CACNA2D3: variants seen among roughly 807,000 people sequenced by gnomAD.
The protein encoded by CACNA2D3 is calcium voltage-gated channel auxiliary subunit alpha2delta 3, also known as voltage-dependent calcium channel subunit alpha-2/delta-3.
Under a neutral mutation model 160.6 loss-of-function variants are expected in CACNA2D3, and 60 were observed. That is an observed-to-expected ratio of 0.37 (90% CI 0.30 to 0.46). CACNA2D3 has a LOEUF of 0.46. Among genes scored for constraint, CACNA2D3 ranks in the 20% least tolerant of loss-of-function variants. The pLI is 1.00. For synonymous variants in CACNA2D3, 558 were observed against 492.9 expected (o/e 1.13, Z -1.75); for missense variants, 1,205 against 1,365.0 (o/e 0.88, Z 1.85).
chr3:54,835,452 T>C (rs1317721396), intron 14 of CACNA2D3, among the ~76,000 whole-genome samples: 5 of 152,172 alleles, frequency 3.3e-5, no homozygotes, highest in Non-Finnish European at 7.4e-5. Context: ...ACATTGTAAG[T>C]AGTGACACCC....
At chr3:54,961,994 GCTCA>G (rs1225386959) in intron 27 of CACNA2D3, among the ~76,000 whole-genome samples, 1 of 152,056 alleles carries the variant, frequency 6.6e-6, no homozygotes, top group Non-Finnish European at 1.5e-5. Flanking sequence ...GACTGAGCGT[GCTCA>G]CTCAGGTCTC....
intron 4 of CACNA2D3, among the ~76,000 whole-genome samples, chr3:54,501,659 ATCC>A: frequency 6.6e-6 from 1 of 152,022 alleles, no homozygotes; most frequent in East Asian, 1.9e-4. Context: ...GGCTCAAGCA[ATCC>A]TCCTGCCTTG....
intron 11 of CACNA2D3, among the ~76,000 whole-genome samples, chr3:54,656,191 C>T (rs924483980): frequency 6.6e-6 from 1 of 152,240 alleles, no homozygotes; most frequent in African/African-American, 2.4e-5. Flanking sequence ...AGGATACAGA[C>T]TTGGCATGGT....
chr3:54,804,520 A>C (rs367907983), intron 13 of CACNA2D3, among the ~76,000 whole-genome samples: 8 of 152,218 alleles, frequency 5.3e-5, no homozygotes, highest in South Asian at 4.1e-4. Flanking sequence ...ATATATATGC[A>C]CCCAATACAG....
At chr3:54,358,928 C>G (rs1186380537) in intron 3 of CACNA2D3, among the ~76,000 whole-genome samples, 1 of 152,134 alleles carries the variant, frequency 6.6e-6, no homozygotes, top group African/African-American at 2.4e-5. Context: ...TCCTTTACTT[C>G]CTCTCATAAA....
At chr3:54,544,427 A>G (rs1445205563) in intron 5 of CACNA2D3, among the ~76,000 whole-genome samples, 2 of 151,360 alleles carry the variant, frequency 1.3e-5, no homozygotes, top group East Asian at 1.9e-4. Context: ...TTAAAGATAC[A>G]GGGTCATATT....
At chr3:54,463,628 C>A (rs1700551347) in intron 4 of CACNA2D3, among the ~76,000 whole-genome samples, 1 of 152,170 alleles carries the variant, frequency 6.6e-6, no homozygotes, top group Admixed American at 6.5e-5. Flanking sequence ...TCCATCAGCT[C>A]CTTTAAGCAC....
At chr3:55,073,582 T>C (rs1468045480) in intron 36 of CACNA2D3, 25 bp downstream of exon 36, 44 of 1,570,708 alleles carry the variant, frequency 2.8e-5, no homozygotes, top group Non-Finnish European at 3.7e-5. Flanking sequence ...GCAGGTCCAC[T>C]CACTACCACG....
At chr3:54,635,469 T>C (rs1272639078) in intron 10 of CACNA2D3, among the ~76,000 whole-genome samples, 4 of 151,792 alleles carry the variant, frequency 2.6e-5, no homozygotes, top group African/African-American at 7.3e-5. Context: ...AATAGGAGTA[T>C]GACTAGACAG....
chr3:55,037,961 G>A (rs1374906513), intron 35 of CACNA2D3, among the ~76,000 whole-genome samples: 2 of 152,144 alleles, frequency 1.3e-5, no homozygotes, highest in African/African-American at 2.4e-5. Context: ...GATAAACTGG[G>A]GTCTTGTCCT....
rs1559563626 is a variant in CACNA2D3 at position 54,736,059 on chromosome 3, ATG to A, written c.1168-16538_1168-16537del. 3.7e-4 allele frequency among the ~76,000 whole-genome samples: 17 copies of A among 45,818 alleles called. 1 individual carries two copies. In the South Asian group the frequency reaches 7.2e-3, roughly 19 times the overall value. The allele number at this position is 45,818 out of a possible 152,430, so 30.1% of individuals were successfully genotyped here. On this transcript the variant is annotated intron_variant, in intron 11 of 37. Coordinates refer to ENST00000474759, the MANE Select transcript of CACNA2D3 (RefSeq NM_018398.3). ...TGTATATATATACACATACATATGT[ATG>A]TATATATATATACATATATATGTAT...
chr3:54,963,241 A>AC (rs1350359956), intron 27 of CACNA2D3, among the ~76,000 whole-genome samples: 1 of 152,028 alleles, frequency 6.6e-6, no homozygotes, highest in African/African-American at 2.4e-5. Context: ...AACCCCCTAT[A>AC]CCTAAGTCAT....
chr3:55,051,521 G>A (rs920931206), intron 35 of CACNA2D3, among the ~76,000 whole-genome samples: 1 of 151,884 alleles, frequency 6.6e-6, no homozygotes, highest in Non-Finnish European at 1.5e-5. Flanking sequence ...TGTCAGACAG[G>A]GACATTTAAG....
chr3:54,943,960 G>A (rs1433791124), intron 27 of CACNA2D3, among the ~76,000 whole-genome samples: 1 of 152,142 alleles, frequency 6.6e-6, no homozygotes, highest in African/African-American at 2.4e-5. Flanking sequence ...CTCCGACCTT[G>A]TAGCTCTGAA....
chr3:54,538,189 C>T (rs985447945), intron 5 of CACNA2D3, among the ~76,000 whole-genome samples: 1 of 152,154 alleles, frequency 6.6e-6, no homozygotes, highest in Non-Finnish European at 1.5e-5. Flanking sequence ...CTCTCCACCC[C>T]ATGGGCTGCT....
chr3:55,011,089 T>C (rs1206192972), intron 34 of CACNA2D3, among the ~76,000 whole-genome samples: 4 of 152,252 alleles, frequency 2.6e-5, no homozygotes, highest in African/African-American at 9.6e-5. Context: ...CCAGGAACTC[T>C]CTGATTTCTG....
At chr3:54,543,822 A>G (rs1253290241) in intron 5 of CACNA2D3, among the ~76,000 whole-genome samples, 5 of 152,374 alleles carry the variant, frequency 3.3e-5, no homozygotes, top group African/African-American at 9.6e-5. Context: ...AGGGTCCTCA[A>G]TATATTCACC....
At position 54,542,123 on chromosome 3, in the gene CACNA2D3, G is replaced by A. The variant is rs369469910; in HGVS notation, c.545-20677G>A. ...TGTCTCCAGGCTGGAGTGCAGTGGCGTGATCTCGGCTCGCTGCAACCTCCG... is the reference window on the plus strand; with the variant it reads ...TGTCTCCAGGCTGGAGTGCAGTGGCATGATCTCGGCTCGCTGCAACCTCCG... On this transcript the variant is annotated intron_variant, in intron 5 of 37. Transcript: ENST00000474759. Among the ~76,000 whole-genome samples the A allele has an allele frequency of 3.4e-4, 52 of 151,982 alleles. No homozygotes were observed. In the South Asian group the frequency reaches 9.6e-3, roughly 28 times the overall value.
chr3:54,948,764 C>G (rs1013782378), intron 27 of CACNA2D3, among the ~76,000 whole-genome samples: 13 of 152,198 alleles, frequency 8.5e-5, no homozygotes, highest in African/African-American at 2.7e-4. Context: ...TGACAGATCT[C>G]TATACATGAA....
Sources: allele counts gnomAD v4.1 joint callset (sites outside exome capture counted in the v4.1 genomes callset), GRCh38; gene constraint gnomAD v4.1.1; transcripts MANE v1.5; gene names NCBI Gene and HGNC (gene_info 2026-07-23, HGNC 2026-07-21).